Variants in CDH23 observed in about 807,000 individuals in gnomAD.
The protein encoded by CDH23 is cadherin-23.
A neutral mutation model predicts 317.1 loss-of-function variants in CDH23; 189 were observed. The ratio of observed to expected loss-of-function variants is 0.60; its 90% CI spans 0.53 to 0.67. The LOEUF (loss-of-function observed/expected upper bound fraction) is 0.67. Ranked by LOEUF, CDH23 falls within the 30% of genes least tolerant of loss-of-function variation. The pLI, the probability that CDH23 is intolerant of heterozygous loss-of-function variation, is 0.00. For missense variants in CDH23, 4,401 were observed against 4,592.4 expected (o/e 0.96, Z 1.20); for synonymous variants, 1,839 against 1,876.8 (o/e 0.98, Z 0.52).
Position 71,784,287 on chromosome 10 carries a change from G to A in CDH23, c.5369G>A (p.Gly1790Glu). The A allele has an allele frequency of 2.5e-6, 4 of 1,613,060 alleles. No homozygotes were observed. Among genetic ancestry groups the A allele is most frequent in the Non-Finnish European group, 3.4e-6 (4 of 1,179,306 alleles). ...TTGGGCCTCTCCTGGTGACACCCAG[G>A]GGAGTTTGTGATCTCTCCTGTGGAG... ...EYSIMDGDPL[G>E]EFVISPVEGV... The change falls in exon 42 of 70, where the codon GGG (glycine) becomes GAG (glutamate). Residue 1790 changes from glycine (G) to glutamate (E), a missense_variant and splice_region_variant. By Grantham distance (98) the Gly-to-Glu change is moderately conservative. This residue lies in a region of CDH23 where 3,068 missense variants were observed against 3,203.3 expected (regional missense o/e 0.96). Transcript: ENST00000224721.
chr10:71,524,765 T>G (rs1440773236), intron 6 of CDH23, among the ~76,000 whole-genome samples: 3 of 152,082 alleles, frequency 2.0e-5, no homozygotes, highest in East Asian at 1.9e-4. Context: ...GATCTGAGGT[T>G]GTTATGTTGC....
Position 71,778,303 on chromosome 10 carries a change from A to T in CDH23, c.5182A>T (p.Thr1728Ser), listed in dbSNP as rs765433037. Reference sequence around the variant, plus strand: ...CTTATCCCACCGCCTCACCTCTACCACCACGGTGGGTGCATGGGACACAGC... The same window carrying T: ...CTTATCCCACCGCCTCACCTCTACCTCCACGGTGGGTGCATGGGACACAGC... Reference protein sequence around the residue: ...PILSHRLTSTTTVLVNVNDIN... With the variant: ...PILSHRLTSTSTVLVNVNDIN... Residue 1728 changes from threonine (T) to serine (S), a missense_variant, in exon 40 of 70, where the codon ACC becomes TCC. Coordinates refer to ENST00000224721, the MANE Select transcript of CDH23 (RefSeq NM_022124.6). The T allele has an allele frequency of 6.2e-7, 1 of 1,613,602 alleles. No homozygotes were observed. The highest frequency in any genetic ancestry group is 1.3e-5 in the African/African-American group (1 of 74,834).
chr10:71,572,524 G>T (rs1004795125), intron 8 of CDH23, among the ~76,000 whole-genome samples: 9 of 152,132 alleles, frequency 5.9e-5, no homozygotes, highest in African/African-American at 2.2e-4. Context: ...CTCAGGAGAT[G>T]GTAATGGAAT....
intron 11 of CDH23, among the ~76,000 whole-genome samples, chr10:71,642,856 A>G (rs1023412667): frequency 2.0e-5 from 3 of 151,896 alleles, no homozygotes; most frequent in African/African-American, 7.3e-5. Context: ...AAGCCCAGGC[A>G]CTCCCTGAGC....
chr10:71,562,752 T>C (rs1205208638), intron 6 of CDH23, among the ~76,000 whole-genome samples: 1 of 152,208 alleles, frequency 6.6e-6, no homozygotes, highest in Non-Finnish European at 1.5e-5. Context: ...GGGAGGCTCT[T>C]GGAGGCCCTC....
intron 11 of CDH23, among the ~76,000 whole-genome samples, chr10:71,625,348 C>T (rs1384607669): frequency 1.8e-5 from 2 of 111,152 alleles, no homozygotes; most frequent in South Asian, 5.8e-4. Flanking sequence ...AAAAAAAAAA[C>T]GGAAAGAATT....
intron 7 of CDH23, among the ~76,000 whole-genome samples, chr10:71,570,236 G>A (rs764612177): frequency 6.6e-6 from 1 of 152,176 alleles, no homozygotes; most frequent in Non-Finnish European, 1.5e-5. Flanking sequence ...CCAGCCCAAA[G>A]CAAGGGACTC....
intron 3 of CDH23, among the ~76,000 whole-genome samples, chr10:71,460,657 C>G (rs755580): frequency 6.6e-6 from 1 of 152,188 alleles, no homozygotes; most frequent in East Asian, 1.9e-4. Context: ...CCGACAGGGC[C>G]CAGACACCCT....
intron 53 of CDH23, among the ~76,000 whole-genome samples, chr10:71,802,502 G>A (rs1841584469): frequency 6.6e-6 from 1 of 152,180 alleles, no homozygotes; most frequent in Non-Finnish European, 1.5e-5. Flanking sequence ...GGGAATGGAG[G>A]AATGCCACCA....
chr10:71,578,643 G>C (rs187084663), intron 9 of CDH23, among the ~76,000 whole-genome samples: 239 of 152,268 alleles, frequency 1.6e-3, no homozygotes, highest in African/African-American at 5.5e-3. Context: ...CTGTCCCAGG[G>C]CTGGGTGGTT....
chr10:71,616,884 C>T (rs576806954), intron 10 of CDH23, among the ~76,000 whole-genome samples: 24 of 152,328 alleles, frequency 1.6e-4, no homozygotes, highest in Admixed American at 2.0e-4. Context: ...TCTTGTCCCT[C>T]GATGAACCCC....
At chr10:71,691,697 C>CAT (rs1191037933) in intron 20 of CDH23, among the ~76,000 whole-genome samples, 1 of 152,190 alleles carries the variant, frequency 6.6e-6, no homozygotes, top group Non-Finnish European at 1.5e-5. Context: ...ATGGGCCAGG[C>CAT]CCTGCCTGGC....
chr10:71,763,273 C>A, intron 38 of CDH23, among the ~76,000 whole-genome samples: 1 of 152,198 alleles, frequency 6.6e-6, no homozygotes, highest in Middle Eastern at 3.2e-3. Flanking sequence ...CTCTCAAAGT[C>A]TTGGGATTAC....
chr10:71,451,350 C>T (rs1850434802), intron 3 of CDH23, among the ~76,000 whole-genome samples: 3 of 152,212 alleles, frequency 2.0e-5, no homozygotes, highest in South Asian at 4.1e-4. Context: ...CTGCTCAAGT[C>T]TCTCCCTCCC....
At chr10:71,691,327 T>C (rs1246803455) in intron 20 of CDH23, among the ~76,000 whole-genome samples, 1 of 152,216 alleles carries the variant, frequency 6.6e-6, no homozygotes, top group Non-Finnish European at 1.5e-5. Context: ...CATTTATTCA[T>C]ATGTTCATTC....
intron 3 of CDH23, among the ~76,000 whole-genome samples, chr10:71,469,612 C>T (rs199708048): frequency 0.39 from 58,506 of 148,820 alleles, 11,510 homozygotes; most frequent in East Asian, 0.6. Context: ...GTGTCCCCCC[C>T]TTGTTTTTTT....
intron 9 of CDH23, among the ~76,000 whole-genome samples, chr10:71,587,173 G>A (rs991512581): frequency 1.3e-5 from 2 of 152,244 alleles, no homozygotes; most frequent in Non-Finnish European, 2.9e-5. Context: ...CAAATGAGCG[G>A]CAGATCCAGG....
intron 3 of CDH23, among the ~76,000 whole-genome samples, chr10:71,481,280 C>A (rs1852049872): frequency 6.6e-6 from 1 of 152,124 alleles, no homozygotes; most frequent in South Asian, 2.1e-4. Context: ...TCCCTGCCTC[C>A]AGAGGGTGCA....
intron 19 of CDH23, among the ~76,000 whole-genome samples, chr10:71,688,581 T>TCAGGGGTGGTGGAGC (rs1865008891): frequency 1.4e-5 from 1 of 70,640 alleles, no homozygotes. Flanking sequence ...GGTTGTGGAG[T>TCAGGGGTGGTGGAGC]CAGGGGTGGT....
Sources: gnomAD v4.1 joint callset for allele counts (sites outside exome capture counted in the v4.1 genomes callset) on GRCh38, gnomAD v4.1.1 for gene constraint, gnomAD v4.1.1 regional missense constraint, MANE v1.5 for transcripts, NCBI Gene and HGNC (gene_info 2026-07-23, HGNC 2026-07-21) for gene names.